VAV3: variants seen among roughly 807,000 people sequenced by gnomAD.
VAV3 encodes the protein vav guanine nucleotide exchange factor 3.
VAV3 carries 94 observed loss-of-function variants against 131.2 expected under a neutral mutation model. That is an observed-to-expected ratio of 0.72 (90% CI 0.61 to 0.85). The LOEUF is 0.85. Among genes scored for constraint, VAV3 ranks in the 40% least tolerant of loss-of-function variants. The pLI, the probability that VAV3 is intolerant of heterozygous loss-of-function variation, is 0.00. For synonymous variants in VAV3, 349 were observed against 342.0 expected, an observed-to-expected ratio of 1.02 and a Z score of -0.22; for missense variants, 939 against 1,002.7, an observed-to-expected ratio of 0.94 and a Z score of 0.86.
chr1:107,801,873 T>C (rs1666842662), intron 2 of VAV3, among the ~76,000 whole-genome samples: 1 of 152,148 alleles, frequency 6.6e-6, no homozygotes, highest in Non-Finnish European at 1.5e-5. Flanking sequence ...TTTCAATCCA[T>C]GAGCATGGAA....
Position 107,708,415 on chromosome 1 carries a change from A to C in VAV3, c.1503-3354T>G, listed in dbSNP as rs1387328438. On this transcript the variant is annotated intron_variant, in intron 15 of 26. Transcript: ENST00000370056. Reference sequence around the variant, plus strand: ...AATTTACTTTTGAGAATGTCAATGGAATCTTGCAGATTAATCAAATGTTCC... The same window carrying C: ...AATTTACTTTTGAGAATGTCAATGGCATCTTGCAGATTAATCAAATGTTCC... 2.0e-5 allele frequency among the ~76,000 whole-genome samples: 3 copies of C among 152,238 alleles called. No individual in the cohort carries two copies. The East Asian group carries it at 5.8e-4, about 29-fold the overall frequency.
At chr1:107,648,310 G>T (rs1655890116) in intron 19 of VAV3, among the ~76,000 whole-genome samples, 1 of 151,956 alleles carries the variant, frequency 6.6e-6, no homozygotes, top group Non-Finnish European at 1.5e-5. Context: ...AGTGAATCAT[G>T]AATCAAGGAT....
At chr1:107,769,571 C>T (rs935568224) in intron 6 of VAV3, among the ~76,000 whole-genome samples, 2 of 152,208 alleles carry the variant, frequency 1.3e-5, no homozygotes, top group African/African-American at 2.4e-5. Flanking sequence ...GGCCTTAATG[C>T]CATTGTGTGA....
At chr1:107,644,094 A>G (rs2101521498) in intron 19 of VAV3, among the ~76,000 whole-genome samples, 1 of 152,254 alleles carries the variant, frequency 6.6e-6, no homozygotes, top group South Asian at 2.1e-4. Flanking sequence ...AGCAGATTTC[A>G]TTGACTTTCC....
intron 2 of VAV3, among the ~76,000 whole-genome samples, chr1:107,801,428 A>T (rs1666822843): frequency 2.6e-5 from 4 of 152,142 alleles, no homozygotes; most frequent in African/African-American, 9.6e-5. Flanking sequence ...GTTAAAGCAA[A>T]CTAAGTATGG....
At chr1:107,734,756 T>A (rs1165207530) in intron 15 of VAV3, among the ~76,000 whole-genome samples, 2 of 152,030 alleles carry the variant, frequency 1.3e-5, no homozygotes, top group African/African-American at 4.8e-5. Flanking sequence ...CACACAACAA[T>A]AGGAGACTTT....
At chr1:107,649,529 G>T (rs1437453717) in intron 19 of VAV3, among the ~76,000 whole-genome samples, 6 of 151,902 alleles carry the variant, frequency 3.9e-5, no homozygotes, top group Non-Finnish European at 8.8e-5. Flanking sequence ...AGGCACTGAG[G>T]TCCAGAGTGA....
intron 25 of VAV3, among the ~76,000 whole-genome samples, chr1:107,584,760 G>C (rs182719599): frequency 2.6e-4 from 40 of 152,264 alleles, no homozygotes; most frequent in African/African-American, 9.6e-4. Context: ...CAATGCTACA[G>C]AGTATAAACA....
chr1:107,906,353 C>A (rs996820678), intron 1 of VAV3, among the ~76,000 whole-genome samples: 1 of 152,168 alleles, frequency 6.6e-6, no homozygotes, highest in Non-Finnish European at 1.5e-5. Context: ...AGCTTCACAA[C>A]TGGGAAGTCT....
rs1014507578 is a variant in VAV3 at position 107,760,783 on chromosome 1, C to G, written c.1017+1G>C. On this transcript the variant is annotated splice_donor_variant, in intron 10 of 26. Transcript: ENST00000370056. LOFTEE classifies it high-confidence loss of function. ...TAAATAAACTGTTTTAAGTTACATA[C>G]CTGGAGGAGAAGGTGGTACTTTAAA... is the stretch of plus-strand genomic sequence containing the variant. 1.2e-6 allele frequency: 2 copies of G among 1,607,386 alleles called. No individual in the cohort carries two copies. The highest frequency in any genetic ancestry group is 1.3e-5 in the African/African-American group (1 of 74,776).
At chr1:107,576,552 C>G in intron 25 of VAV3, 2 of 1,170,734 alleles carry the variant, frequency 1.7e-6, no homozygotes, top group Non-Finnish European at 2.3e-6. Context: ...CAACCATTTT[C>G]ACCCACTTCT....
Position 107,760,849 on chromosome 1 carries a change from A to G in VAV3, c.952T>C (p.Phe318Leu), listed in dbSNP as rs1664369881. 1.2e-6 allele frequency: 2 copies of G among 1,613,684 alleles called. No individual in the cohort carries two copies. Among genetic ancestry groups the G allele is most frequent in the Admixed American group, 1.7e-5 (1 of 59,994 alleles). The change falls in exon 10 of 27, where the codon TTT becomes CTT. Residue 318 changes from phenylalanine (F) to leucine (L), a missense_variant. By Grantham distance (22) the Phe-to-Leu change is conservative. Coordinates refer to ENST00000370056, the MANE Select transcript of VAV3 (RefSeq NM_006113.5). ...ECSKRANNGK[F>L]TLRDLLVVPM... ...ACCACAAGCAAGTCTCGAAGAGTAA[A>G]TTTCCCATTATTTGCTCTTTTGGAA... is the stretch of plus-strand genomic sequence containing the variant.
At chr1:107,781,007 C>T (rs933994038) in intron 2 of VAV3, among the ~76,000 whole-genome samples, 3 of 152,130 alleles carry the variant, frequency 2.0e-5, no homozygotes, top group African/African-American at 7.2e-5. Context: ...AATGAAGTCT[C>T]TCCAGTACTC....
intron 15 of VAV3, 82 bp downstream of exon 15, chr1:107,748,886 G>C: frequency 3.9e-6 from 4 of 1,031,928 alleles, no homozygotes; most frequent in South Asian, 3.1e-5. Flanking sequence ...ACAAGCATTA[G>C]AGTACACTTA....
At chr1:107,634,330 C>T (rs1163886655) in intron 20 of VAV3, among the ~76,000 whole-genome samples, 1 of 152,208 alleles carries the variant, frequency 6.6e-6, no homozygotes, top group African/African-American at 2.4e-5. Flanking sequence ...TATCTACAAC[C>T]ATCTGATCTT....
chr1:107,757,470 C>A, intron 10 of VAV3, 141 bp from the exon 11 acceptor site: 1 of 724,624 alleles, frequency 1.4e-6, no homozygotes. Flanking sequence ...GCTCCATTTC[C>A]ATCAAAAATT....
intron 15 of VAV3, among the ~76,000 whole-genome samples, chr1:107,742,026 A>G (rs1663050638): frequency 1.3e-5 from 2 of 152,222 alleles, no homozygotes; most frequent in African/African-American, 4.8e-5. Flanking sequence ...ACATAGTTGA[A>G]GGCTTACATA....
chr1:107,590,173 T>C (rs1650832890), intron 25 of VAV3, among the ~76,000 whole-genome samples: 1 of 152,178 alleles, frequency 6.6e-6, no homozygotes, highest in African/African-American at 2.4e-5. Flanking sequence ...TTGTCAATCT[T>C]TGAAGAATTG....
rs116131233 is a variant in VAV3 at position 107,901,323 on chromosome 1, A to T, written c.205-26306T>A. On this transcript the variant is annotated intron_variant, in intron 1 of 26. Coordinates refer to ENST00000370056, the MANE Select transcript of VAV3 (RefSeq NM_006113.5). ...GGAACACCACAGCAAACTCAGAGAC[A>T]CTGCAGGATATTTTAAATTTTCACC... Among the ~76,000 whole-genome samples the T allele has an allele frequency of 4.8e-3, 736 of 152,346 alleles. 2 individuals carry two copies. The highest frequency in any genetic ancestry group is 8.0e-3 in the Non-Finnish European group (541 of 68,028).
Sources: allele counts gnomAD v4.1 joint callset (sites outside exome capture counted in the v4.1 genomes callset), GRCh38; gene constraint gnomAD v4.1.1; transcripts MANE v1.5; gene names NCBI Gene and HGNC (gene_info 2026-07-23, HGNC 2026-07-21).